Variants in CHIT1 observed in about 807,000 individuals in gnomAD.
CHIT1 encodes chitotriosidase-1.
Under a neutral mutation model 52.0 loss-of-function variants are expected in CHIT1, and 47 were observed. The observed-to-expected ratio is 0.90, with a 90% CI of 0.71 to 1.15. The LOEUF (loss-of-function observed/expected upper bound fraction) is 1.15. Among genes scored for constraint, CHIT1 ranks in the 50% most tolerant of loss-of-function variants. CHIT1 has a pLI of 0.00. For missense variants in CHIT1, 569 were observed against 583.0 expected, an observed-to-expected ratio of 0.98 and a Z score of 0.25; for synonymous variants, 242 against 228.2, an observed-to-expected ratio of 1.06 and a Z score of -0.54.
chr1:203,229,485 A>G, intron 1 of CHIT1, 127 bp downstream of exon 1: 1 of 1,078,836 alleles, frequency 9.3e-7, no homozygotes, highest in South Asian at 1.4e-5. Flanking sequence ...GGAGAGGGAT[A>G]AAATGACCCT....
intron 1 of CHIT1, among the ~76,000 whole-genome samples, 196 bp downstream of exon 1, chr1:203,229,416 A>T (rs954902989): frequency 6.6e-6 from 1 of 152,152 alleles, no homozygotes; most frequent in African/African-American, 2.4e-5. Flanking sequence ...CTTGGGCTGA[A>T]AGAGCCTAAG....
At position 203,221,812 on chromosome 1, in the gene CHIT1, C is replaced by A. The variant is rs1656747065; in HGVS notation, c.729+390G>T. On this transcript the variant is annotated intron_variant, in intron 7 of 10. Coordinates refer to ENST00000367229, the MANE Select transcript of CHIT1 (RefSeq NM_003465.3). Reference sequence around the variant, plus strand: ...GGGAAAGCTCCTGTCCCTGAAAGGACCTTCCAGAAGGTCAACCAGTGTGAC... The same window carrying A: ...GGGAAAGCTCCTGTCCCTGAAAGGAACTTCCAGAAGGTCAACCAGTGTGAC... Among the ~76,000 whole-genome samples, 4 of 152,206 alleles carry A rather than the reference C, an allele frequency of 2.6e-5. No individual in the cohort carries two copies. In the South Asian group the frequency reaches 8.3e-4, roughly 32 times the overall value.
intron 9 of CHIT1, chr1:203,218,104 G>A: frequency 6.8e-7 from 1 of 1,479,118 alleles, no homozygotes; most frequent in Non-Finnish European, 9.0e-7. Flanking sequence ...GGGGTGGGGT[G>A]GGTGCAGTCG....
At position 203,216,629 on chromosome 1, in the gene CHIT1, G is replaced by T; in HGVS notation, c.*260C>A. ...ACCTGCGGATGTTTTGGAGTCAACA[G>T]TGTGCTTAGAGAGCCTCTTAAGTCA... On this transcript the variant is annotated 3_prime_UTR_variant, in exon 11 of 11. Coordinates refer to ENST00000367229, the MANE Select transcript of CHIT1 (RefSeq NM_003465.3). 1 of 565,054 alleles carries T rather than the reference G, an allele frequency of 1.8e-6. No individual in the cohort carries two copies. The highest frequency in any genetic ancestry group is 3.3e-6 in the Non-Finnish European group (1 of 300,148). The allele number at this position is 565,054 out of a possible 1,614,324, so 35.0% of individuals were successfully genotyped here.
At chr1:203,217,675 T>A in intron 10 of CHIT1, 64 bp downstream of exon 10, 14 of 1,612,402 alleles carry the variant, frequency 8.7e-6, no homozygotes, top group Non-Finnish European at 1.1e-5. Flanking sequence ...GTTCATTGGA[T>A]GCATGGAGCT....
Position 203,216,838 on chromosome 1 carries a change from G to C in CHIT1, c.*51C>G, listed in dbSNP as rs545898893. 14 of 1,611,996 alleles carry C rather than the reference G, an allele frequency of 8.7e-6. No homozygotes were observed. The South Asian group carries it at 1.5e-4, about 18-fold the overall frequency. The stretch of plus-strand genomic sequence containing the variant: ...GGGAAAACCCAGGAGGCAGGCTGTA[G>C]AGTGATCCTGGGCCCAGCCTCAAAG... On this transcript the variant is annotated 3_prime_UTR_variant, in exon 11 of 11. Transcript: ENST00000367229.
upstream of CHIT1, chr1:203,230,035 A>G (rs1380896642): frequency 3.4e-6 from 1 of 298,024 alleles, no homozygotes; most frequent in Non-Finnish European, 6.6e-6. Flanking sequence ...GCTGGGTTCC[A>G]GACCAGCTCT....
intron 10 of CHIT1, 55 bp downstream of exon 10, chr1:203,217,684 C>A: frequency 6.2e-7 from 1 of 1,612,876 alleles, no homozygotes; most frequent in Non-Finnish European, 8.5e-7. Flanking sequence ...ATGCATGGAG[C>A]TGTGTTTGTA....
chr1:203,227,028 C>G (rs1347530995), intron 2 of CHIT1, among the ~76,000 whole-genome samples: 2 of 152,176 alleles, frequency 1.3e-5, no homozygotes, highest in Admixed American at 6.5e-5. Context: ...TGTCTAGAAC[C>G]TGGGACTTCC....
At chr1:203,222,123 G>C in intron 7 of CHIT1, 79 bp downstream of exon 7, 1 of 1,590,874 alleles carries the variant, frequency 6.3e-7, no homozygotes, top group Non-Finnish European at 8.6e-7. Context: ...TCCCATGAGG[G>C]CCTCGGGGCT....
At chr1:203,224,760 T>C (rs1313500900) in intron 4 of CHIT1, among the ~76,000 whole-genome samples, 3 of 152,202 alleles carry the variant, frequency 2.0e-5, no homozygotes, top group Non-Finnish European at 4.4e-5. Context: ...TCTCATTTCA[T>C]GGAAGACGAG....
intron 2 of CHIT1, among the ~76,000 whole-genome samples, chr1:203,226,117 G>A (rs1254345994): frequency 6.6e-6 from 1 of 152,234 alleles, no homozygotes; most frequent in Non-Finnish European, 1.5e-5. Context: ...CATCTTCTAA[G>A]CCTTCTTTTC....
At chr1:203,228,354 G>A (rs1464139132) in intron 2 of CHIT1, among the ~76,000 whole-genome samples, 179 bp downstream of exon 2, 1 of 152,254 alleles carries the variant, frequency 6.6e-6, no homozygotes, top group South Asian at 2.1e-4. Flanking sequence ...TGGATAAGGA[G>A]GCAAGAGCCT....
intron 8 of CHIT1, 130 bp from the exon 9 acceptor site, chr1:203,219,459 T>C (rs1016830725): frequency 3.5e-6 from 3 of 865,204 alleles, no homozygotes; most frequent in Non-Finnish European, 5.8e-6. Flanking sequence ...AGGAGGTTCT[T>C]TGCAGTGACC....
intron 10 of CHIT1, chr1:203,217,492 G>A: frequency 8.6e-7 from 1 of 1,163,474 alleles, no homozygotes. Flanking sequence ...GGGCCCTCTG[G>A]AGGGAAGCCA....
rs149987600 is a variant in CHIT1 at position 203,217,770 on chromosome 1, G to T, written c.1125C>A (p.Tyr375Ter). The T allele has an allele frequency of 1.2e-4, 197 of 1,613,858 alleles. No homozygotes were observed. Among genetic ancestry groups the T allele is most frequent in the Middle Eastern group, 1.6e-4 (1 of 6,078 alleles). Residue 375 changes from tyrosine (Y) to a stop codon, truncating the protein, a stop_gained, in exon 10 of 11, where the codon TAC becomes TAA. Coordinates refer to ENST00000367229, the MANE Select transcript of CHIT1 (RefSeq NM_003465.3). LOFTEE classifies it low-confidence loss of function (END_TRUNC). ...FAGFSCNQGRYPLIQTLRQEL... is the reference protein window; with the variant it reads ...FAGFSCNQGR ...CCTGCCGTAGCGTCTGGATGAGGGG[G>T]TATCGGCCCTGGTTGCAGGAGAAGC...
rs998524785 is a variant in CHIT1, at chr1:203,216,388, G to A, written c.*501C>T. The A allele has an allele frequency of 4.4e-6, 2 of 454,184 alleles. No individual in the cohort carries two copies. Among genetic ancestry groups the A allele is most frequent in the Non-Finnish European group, 8.8e-6 (2 of 226,838 alleles). The allele number at this position is 454,184 out of a possible 1,614,324, so 28.1% of individuals were successfully genotyped here. A position where few individuals can be genotyped will look rare whatever the true frequency, so the allele number is the denominator to read the frequency against. The stretch of plus-strand genomic sequence containing the variant: ...AAAAGTTCTTCTCTGCTGCCATCTA[G>A]TGGCATTTTGGGAATAACACGTGCG... On this transcript the variant is annotated 3_prime_UTR_variant, in exon 11 of 11. Transcript: ENST00000367229.
chr1:203,229,834 C>T, upstream of CHIT1: 1 of 673,456 alleles, frequency 1.5e-6, no homozygotes, highest in Non-Finnish European at 2.7e-6. Context: ...TGGCCTTTAG[C>T]AATTCTTGCT....
At chr1:203,223,336 C>G in intron 5 of CHIT1, 77 bp from the exon 6 acceptor site, 1 of 1,611,604 alleles carries the variant, frequency 6.2e-7, no homozygotes. Flanking sequence ...GGTAGATGTT[C>G]ACTTGTAGAA....
Sources: gnomAD v4.1 joint callset for allele counts (sites outside exome capture counted in the v4.1 genomes callset) on GRCh38, gnomAD v4.1.1 for gene constraint, MANE v1.5 for transcripts, NCBI Gene and HGNC (gene_info 2026-07-23, HGNC 2026-07-21) for gene names.